Variants in HPS1 observed in about 807,000 individuals in gnomAD.
The protein encoded by HPS1 is HPS1 biogenesis of lysosomal organelles complex 3 subunit 1, also known as BLOC-3 complex member HPS1.
Under a neutral mutation model 90.6 loss-of-function variants are expected in HPS1, and 59 were observed. The ratio of observed to expected loss-of-function variants is 0.65; its 90% CI spans 0.53 to 0.81. The LOEUF (loss-of-function observed/expected upper bound fraction) is 0.81, where lower values mean the gene tolerates loss of function less well. HPS1 is among the 30% of genes least tolerant of loss of function. HPS1 has a pLI of 0.00. For missense variants in HPS1, 849 were observed against 896.7 expected, an observed-to-expected ratio of 0.95 and a Z score of 0.68; for synonymous variants, 388 against 384.4, an observed-to-expected ratio of 1.01 and a Z score of -0.11.
rs1844100316 is a variant in HPS1 at position 98,416,229 on chromosome 10, T to A, written c.*1335A>T. Reference sequence around the variant, plus strand: ...TCAGGATGTTCACTCCTGTGTTATTTATTATATAGAAAGATCAAGGGGACT... The same window carrying A: ...TCAGGATGTTCACTCCTGTGTTATTAATTATATAGAAAGATCAAGGGGACT... On this transcript the variant is annotated 3_prime_UTR_variant, in exon 20 of 20. Transcript: ENST00000361490. 1.3e-5 allele frequency: 2 copies of A among 152,342 alleles called. No individual in the cohort carries two copies. Among genetic ancestry groups the A allele is most frequent in the Non-Finnish European group, 2.9e-5 (2 of 68,044 alleles). 9.4% of individuals were successfully genotyped at this position (152,342 alleles called of 1,614,324 possible).
At chr10:98,438,063 C>T (rs191171974) in intron 3 of HPS1, among the ~76,000 whole-genome samples, 6 of 152,302 alleles carry the variant, frequency 3.9e-5, no homozygotes, top group Non-Finnish European at 8.8e-5. Flanking sequence ...CCTTCCACCA[C>T]GACTGTAAGT....
In HPS1 at chr10:98,430,014, T is replaced by C. The variant is rs1591083473; in HGVS notation, c.769-125A>G. ...ACCCCTCCACCCGTTCCGGGTGCAG[T>C]CCTGGGTGTGTGGTCCTCAGACTTC... is the stretch of plus-strand genomic sequence containing the variant. On this transcript the variant is annotated intron_variant, in intron 8 of 19. Transcript: ENST00000361490. 5 of 790,914 alleles carry C rather than the reference T, an allele frequency of 6.3e-6. No homozygotes were observed. In the East Asian group the frequency reaches 1.3e-4, roughly 21 times the overall value. 49.0% of individuals were successfully genotyped at this position (790,914 alleles called of 1,614,324 possible).
At chr10:98,422,576 G>A in intron 16 of HPS1, 63 bp from the exon 17 acceptor site, 2 of 1,543,654 alleles carry the variant, frequency 1.3e-6, no homozygotes, top group South Asian at 2.2e-5. Flanking sequence ...TCTGTCCTGG[G>A]CTTCTAGCTG....
intron 2 of HPS1, among the ~76,000 whole-genome samples, chr10:98,443,844 C>A (rs554047781): frequency 6.6e-6 from 1 of 152,258 alleles, no homozygotes; most frequent in South Asian, 2.1e-4. Context: ...ACCAGCCTGG[C>A]CAACATGGTG....
intron 11 of HPS1, 38 bp from the exon 12 acceptor site, chr10:98,426,023 CCT>C: frequency 6.3e-7 from 1 of 1,594,790 alleles, no homozygotes; most frequent in Non-Finnish European, 8.6e-7. Context: ...AGGTGGGATC[CCT>C]AAGTTGGACC....
Position 98,435,527 on chromosome 10 carries a change from T to C in HPS1, c.255+108A>G. ...CGGGTCCCAGGCGGGTTTGATAAGA[T>C]GCCGTTTCTGCCTTCTAAAGGAGTC... On this transcript the variant is annotated intron_variant, in intron 4 of 19. Coordinates refer to ENST00000361490, the MANE Select transcript of HPS1 (RefSeq NM_000195.5). The surrounding 1 kb of genome is among the most constrained non-coding windows in gnomAD (Gnocchi z 4.3). The C allele has an allele frequency of 3.1e-6, 5 of 1,607,104 alleles. No homozygotes were observed. Among genetic ancestry groups the C allele is most frequent in the Non-Finnish European group, 4.3e-6 (5 of 1,174,136 alleles).
intron 10 of HPS1, 87 bp from the exon 11 acceptor site, chr10:98,427,351 C>T (rs1036756558): frequency 8.5e-5 from 96 of 1,123,740 alleles, no homozygotes; most frequent in Non-Finnish European, 1.2e-4. Flanking sequence ...GGCCCAGGTG[C>T]CCCCCACAAC....
In HPS1 at chr10:98,443,360, G is replaced by T. The variant is rs574441677; in HGVS notation, c.1-120C>A. On this transcript the variant is annotated intron_variant, in intron 2 of 19. Transcript: ENST00000361490. ...TCAGTGAGCCCCTTCTGCACACCAG[G>T]CATCACAAGGGACTTCCATTTTTGT... is the stretch of plus-strand genomic sequence containing the variant. The T allele has an allele frequency of 1.4e-5, 11 of 796,118 alleles. No homozygotes were observed. The South Asian group carries it at 1.5e-4, about 11-fold the overall frequency. 49.3% of individuals were successfully genotyped at this position (796,118 alleles called of 1,614,324 possible).
chr10:98,440,721 C>T (rs1248155050), intron 3 of HPS1, among the ~76,000 whole-genome samples: 1 of 149,286 alleles, frequency 6.7e-6, no homozygotes, highest in African/African-American at 2.5e-5. Context: ...ATGTGTTGCA[C>T]ATTAACAAAA....
chr10:98,433,915 C>A, intron 6 of HPS1, 68 bp downstream of exon 6: 5 of 1,543,546 alleles, frequency 3.2e-6, no homozygotes, highest in Non-Finnish European at 4.4e-6. Flanking sequence ...AAAACATGGT[C>A]TTAAAGGTGG....
At chr10:98,427,754 A>C (rs1340121277) in intron 10 of HPS1, among the ~76,000 whole-genome samples, 1 of 152,210 alleles carries the variant, frequency 6.6e-6, no homozygotes, top group African/African-American at 2.4e-5. Context: ...TTCCTTCCTA[A>C]TATAACGCAC....
At chr10:98,437,648 C>A (rs572053587) in intron 3 of HPS1, among the ~76,000 whole-genome samples, 2 of 152,334 alleles carry the variant, frequency 1.3e-5, no homozygotes, top group East Asian at 3.9e-4. Flanking sequence ...GTTGGCTACA[C>A]CATCTAGGTT....
Position 98,445,887 on chromosome 10 carries a change from C to T in HPS1, c.-105-483G>A, listed in dbSNP as rs1939419367. ...CCAAGTCCCATAAACCTCTCTGAGC[C>T]TCAAACTCCTGCGGAGAAACAGAGC... On this transcript the variant is annotated intron_variant, in intron 1 of 19. Transcript: ENST00000361490. The surrounding 1 kb of genome is among the most constrained non-coding windows in gnomAD (Gnocchi z 4.5). 1.3e-5 allele frequency among the ~76,000 whole-genome samples: 2 copies of T among 152,206 alleles called. No homozygotes were observed. The highest frequency in any genetic ancestry group is 2.4e-5 in the African/African-American group (1 of 41,442).
intron 17 of HPS1, 165 bp from the exon 18 acceptor site, chr10:98,420,323 AAATCATT>A (rs1844691014): frequency 3.0e-6 from 2 of 663,606 alleles, no homozygotes; most frequent in Admixed American, 4.4e-5. Flanking sequence ...GCTCAACAAT[AAATCATT>A]ATTGGATGGA....
chr10:98,422,259 G>A, intron 17 of HPS1, 110 bp downstream of exon 17: 1 of 1,217,336 alleles, frequency 8.2e-7, no homozygotes, highest in Non-Finnish European at 1.2e-6. Flanking sequence ...GCCTCCTTGG[G>A]CCTGCTGCCC....
intron 17 of HPS1, among the ~76,000 whole-genome samples, chr10:98,421,979 G>GAC (rs200573934): frequency 0.038 from 5,324 of 139,932 alleles, 149 homozygotes; most frequent in African/African-American, 0.071. Flanking sequence ...CACACACACA[G>GAC]ACACACACAC....
rs1465962561 is a variant in HPS1, at chr10:98,422,384, G to C, written c.1728C>G (p.Ala576=). 1 of 1,589,936 alleles carries C rather than the reference G, an allele frequency of 6.3e-7. No individual in the cohort carries two copies. Among genetic ancestry groups the C allele is most frequent in the African/African-American group, 1.4e-5 (1 of 74,070 alleles). Residue 576 remains alanine (A), a synonymous_variant, in exon 17 of 20, where the codon GCC becomes GCG. Coordinates refer to ENST00000361490, the MANE Select transcript of HPS1 (RefSeq NM_000195.5). ...AAATGGTTACCTTAGTTTTGACAAA[G>C]GCAGCCAGCGGCCCCTTGCCCAACT... ...SSELGKGPLA[A]FVKTKVWSLI...
intron 19 of HPS1, 58 bp downstream of exon 19, chr10:98,418,117 G>T: frequency 8.6e-7 from 1 of 1,158,454 alleles, no homozygotes; most frequent in South Asian, 1.3e-5. Context: ...CGGCAGAGGC[G>T]AGCACTTATC....
chr10:98,425,492 C>G (rs1186317413), intron 13 of HPS1, 49 bp downstream of exon 13: 1 of 1,563,042 alleles, frequency 6.4e-7, no homozygotes, highest in South Asian at 1.2e-5. Flanking sequence ...TACCCTGCTG[C>G]CAGCCCTGCC....
Sources: gnomAD v4.1 joint callset for allele counts (sites outside exome capture counted in the v4.1 genomes callset) on GRCh38, gnomAD v4.1.1 for gene constraint, Gnocchi (gnomAD v3.1) non-coding constraint, MANE v1.5 for transcripts, NCBI Gene and HGNC (gene_info 2026-07-23, HGNC 2026-07-21) for gene names.